Variants in GLRA3 observed in about 807,000 individuals in gnomAD.
GLRA3 encodes the protein glycine receptor subunit alpha-3.
In GLRA3, 44 loss-of-function variants were observed where a neutral mutation model predicts 60.4. The observed-to-expected ratio is 0.73, with a 90% CI of 0.57 to 0.94. The LOEUF is 0.94. GLRA3 is among the 40% of genes least tolerant of loss of function. GLRA3 has a pLI of 0.00. For missense variants in GLRA3, 508 were observed against 564.6 expected, an observed-to-expected ratio of 0.90 and a Z score of 1.02; for synonymous variants, 223 against 192.9, an observed-to-expected ratio of 1.16 and a Z score of -1.29.
At chr4:174,817,602 G>A (rs1469055364) in intron 1 of GLRA3, among the ~76,000 whole-genome samples, 1 of 152,002 alleles carries the variant, frequency 6.6e-6, no homozygotes, top group African/African-American at 2.4e-5. Flanking sequence ...CTGGCATTAA[G>A]GTTACTAATA....
At chr4:174,726,371 G>A (rs563051554) in intron 4 of GLRA3, among the ~76,000 whole-genome samples, 2 of 152,208 alleles carry the variant, frequency 1.3e-5, no homozygotes, top group Admixed American at 1.3e-4. Flanking sequence ...CACCTGGTAA[G>A]ACTGGAAGTC....
chr4:174,645,717 T>A (rs1290955056), intron 9 of GLRA3, among the ~76,000 whole-genome samples: 2 of 152,182 alleles, frequency 1.3e-5, no homozygotes, highest in Non-Finnish European at 2.9e-5. Context: ...CAGTCCAAAC[T>A]ACCTGAGACT....
chr4:174,668,748 T>C (rs1473104066), intron 7 of GLRA3, among the ~76,000 whole-genome samples: 1 of 152,158 alleles, frequency 6.6e-6, no homozygotes, highest in Non-Finnish European at 1.5e-5. Flanking sequence ...GTGTAGGAAC[T>C]CTATAAGGTA....
intron 7 of GLRA3, among the ~76,000 whole-genome samples, chr4:174,667,147 A>T: frequency 6.6e-6 from 1 of 152,056 alleles, no homozygotes; most frequent in Non-Finnish European, 1.5e-5. Context: ...AATGTTCCAG[A>T]CTGGTAGTGG....
At chr4:174,742,932 A>G (rs1305218317) in intron 3 of GLRA3, among the ~76,000 whole-genome samples, 1 of 152,050 alleles carries the variant, frequency 6.6e-6, no homozygotes, top group Non-Finnish European at 1.5e-5. Context: ...GTTTTACTTT[A>G]CCCTCCCCAT....
At chr4:174,738,926 T>C (rs1475599156) in intron 3 of GLRA3, among the ~76,000 whole-genome samples, 2 of 152,218 alleles carry the variant, frequency 1.3e-5, no homozygotes, top group African/African-American at 4.8e-5. Flanking sequence ...TCTTTTATGG[T>C]GGCAGATTAT....
At chr4:174,754,860 T>C (rs1344525069) in intron 3 of GLRA3, among the ~76,000 whole-genome samples, 1 of 152,132 alleles carries the variant, frequency 6.6e-6, no homozygotes, top group Non-Finnish European at 1.5e-5. Context: ...AGCTCTAATT[T>C]CTTATCATGG....
intron 5 of GLRA3, among the ~76,000 whole-genome samples, chr4:174,691,127 T>C (rs1227938565): frequency 1.3e-5 from 2 of 152,230 alleles, no homozygotes; most frequent in Non-Finnish European, 2.9e-5. Flanking sequence ...TTATTTACAC[T>C]CTCACTAACA....
rs560684341 is a variant in GLRA3 at position 174,673,302 on chromosome 4, C to T, written c.927+3776G>A. Among the ~76,000 whole-genome samples the T allele has an allele frequency of 6.6e-5, 10 of 152,214 alleles. 1 individual carries two copies. In the South Asian group the frequency reaches 1.9e-3, roughly 28 times the overall value. ...CTTCTACTGATTTTCTCTATTCTTA[C>T]CCATCCCCATACTTAATTCCTTCAG... On this transcript the variant is annotated intron_variant, in intron 7 of 9. Transcript: ENST00000274093.
intron 1 of GLRA3, among the ~76,000 whole-genome samples, chr4:174,825,481 T>G (rs1176024447): frequency 6.6e-6 from 1 of 152,106 alleles, no homozygotes; most frequent in Non-Finnish European, 1.5e-5. Context: ...AATACTGTGT[T>G]GATATCAACT....
At chr4:174,725,328 G>A (rs1736282934) in intron 4 of GLRA3, among the ~76,000 whole-genome samples, 1 of 151,914 alleles carries the variant, frequency 6.6e-6, no homozygotes. Flanking sequence ...TTTGATTATT[G>A]TATTTTTAGG....
At chr4:174,707,425 A>T (rs184612512) in intron 5 of GLRA3, among the ~76,000 whole-genome samples, 148 of 152,278 alleles carry the variant, frequency 9.7e-4, no homozygotes, top group African/African-American at 3.3e-3. Context: ...TACTCAGATG[A>T]CTGTAGATGT....
intron 3 of GLRA3, among the ~76,000 whole-genome samples, chr4:174,759,736 G>T (rs1334151068): frequency 6.6e-6 from 1 of 152,084 alleles, no homozygotes; most frequent in Non-Finnish European, 1.5e-5. Context: ...TAGATCATTA[G>T]CATAGAACTT....
At chr4:174,812,808 C>T (rs975497726) in intron 1 of GLRA3, among the ~76,000 whole-genome samples, 3 of 152,190 alleles carry the variant, frequency 2.0e-5, no homozygotes, top group African/African-American at 4.8e-5. Context: ...CACTCTCTCA[C>T]CTTTCTCTCC....
At chr4:174,751,017 C>T (rs1737452018) in intron 3 of GLRA3, among the ~76,000 whole-genome samples, 1 of 151,948 alleles carries the variant, frequency 6.6e-6, no homozygotes, top group Non-Finnish European at 1.5e-5. Context: ...ACAAAGTTTA[C>T]CCTTATATCA....
chr4:174,815,316 T>C (rs1740444937), intron 1 of GLRA3, among the ~76,000 whole-genome samples: 1 of 152,150 alleles, frequency 6.6e-6, no homozygotes, highest in Non-Finnish European at 1.5e-5. Flanking sequence ...TGGCATTGAG[T>C]GTCTCTAGCT....
chr4:174,704,004 G>A (rs1735419932), intron 5 of GLRA3, among the ~76,000 whole-genome samples: 1 of 145,930 alleles, frequency 6.9e-6, no homozygotes, highest in South Asian at 2.1e-4. Context: ...ATTAATTAAG[G>A]ATGAAAGAGG....
At chr4:174,823,295 C>G (rs182363002) in intron 1 of GLRA3, among the ~76,000 whole-genome samples, 1 of 152,060 alleles carries the variant, frequency 6.6e-6, no homozygotes, top group African/African-American at 2.4e-5. Context: ...GAATTTGAGG[C>G]GGGTGGACCG....
chr4:174,735,759 G>A lies in GLRA3; in HGVS notation c.268-7061C>T, dbSNP rs917490769. Among the ~76,000 whole-genome samples the A allele has an allele frequency of 7.2e-5, 11 of 152,128 alleles. No homozygotes were observed. The East Asian group carries it at 1.9e-3, about 27-fold the overall frequency. On this transcript the variant is annotated intron_variant, in intron 3 of 9. Coordinates refer to ENST00000274093, the MANE Select transcript of GLRA3 (RefSeq NM_006529.4). Reference sequence around the variant, plus strand: ...GATTTTTTAGCAGAGATGGGGTTCCGTCATGTTCGCCAGGCTGGTCTGGAA... The same window carrying A: ...GATTTTTTAGCAGAGATGGGGTTCCATCATGTTCGCCAGGCTGGTCTGGAA...
Sources: allele counts gnomAD v4.1 joint callset (sites outside exome capture counted in the v4.1 genomes callset), GRCh38; gene constraint gnomAD v4.1.1; transcripts MANE v1.5; gene names NCBI Gene and HGNC (gene_info 2026-07-23, HGNC 2026-07-21).